Variants in ADAMTSL1 observed in about 807,000 individuals in gnomAD.
The protein encoded by ADAMTSL1 is ADAMTS like 1.
ADAMTSL1 carries 126 observed loss-of-function variants against 201.8 expected under a neutral mutation model. The observed-to-expected ratio is 0.62, with a 90% CI of 0.54 to 0.72. ADAMTSL1 has a LOEUF of 0.72. ADAMTSL1 is among the 30% of genes least tolerant of loss of function. The pLI, the probability that ADAMTSL1 is intolerant of heterozygous loss-of-function variation, is 0.00. For missense variants in ADAMTSL1, 2,679 were observed against 2,277.8 expected (o/e 1.18, Z -3.59); for synonymous variants, 1,121 against 903.4 (o/e 1.24, Z -4.32).
intron 2 of ADAMTSL1, among the ~76,000 whole-genome samples, chr9:18,298,154 G>A (rs369628348): frequency 6.6e-6 from 1 of 152,172 alleles, no homozygotes; most frequent in East Asian, 1.9e-4. Flanking sequence ...GCTCAGGTGA[G>A]GGTGGAGGGT....
chr9:18,289,620 C>G (rs192180005), intron 2 of ADAMTSL1, among the ~76,000 whole-genome samples: 2 of 152,186 alleles, frequency 1.3e-5, no homozygotes, highest in African/African-American at 4.8e-5. Flanking sequence ...CAGAGAGGCT[C>G]AGTTACCAGA....
chr9:18,591,437 G>T (rs754934347), intron 4 of ADAMTSL1, among the ~76,000 whole-genome samples: 2 of 152,090 alleles, frequency 1.3e-5, no homozygotes, highest in Non-Finnish European at 2.9e-5. Context: ...CTTGTTTACA[G>T]CGTATAGTTG....
At chr9:18,087,867 CT>C (rs1823835885) in intron 1 of ADAMTSL1, among the ~76,000 whole-genome samples, 1 of 152,028 alleles carries the variant, frequency 6.6e-6, no homozygotes, top group Admixed American at 6.6e-5. Flanking sequence ...CTTATCTGTC[CT>C]TTGGATGAAA....
intron 1 of ADAMTSL1, among the ~76,000 whole-genome samples, chr9:18,031,278 T>C (rs777002156): frequency 6.6e-6 from 1 of 152,194 alleles, no homozygotes; most frequent in Non-Finnish European, 1.5e-5. Context: ...GGCTGGTGTT[T>C]ATTTTCCTTT....
intron 1 of ADAMTSL1, among the ~76,000 whole-genome samples, chr9:17,950,012 G>A (rs1044685345): frequency 2.0e-5 from 3 of 151,924 alleles, no homozygotes; most frequent in Non-Finnish European, 4.4e-5. Context: ...TCTGTCTCCC[G>A]GGTTCAAGTG....
intron 1 of ADAMTSL1, among the ~76,000 whole-genome samples, chr9:18,038,931 A>G (rs900081494): frequency 6.6e-6 from 1 of 152,242 alleles, no homozygotes; most frequent in African/African-American, 2.4e-5. Flanking sequence ...AAAGCTATGA[A>G]CACATAAGTT....
intron 1 of ADAMTSL1, among the ~76,000 whole-genome samples, chr9:18,128,723 T>C (rs970341922): frequency 2.0e-5 from 3 of 152,076 alleles, no homozygotes; most frequent in Non-Finnish European, 4.4e-5. Context: ...ATTAAGGATC[T>C]CTCTCTCCCC....
intron 2 of ADAMTSL1, among the ~76,000 whole-genome samples, chr9:18,347,215 T>C (rs1462084331): frequency 6.6e-6 from 1 of 152,176 alleles, no homozygotes; most frequent in African/African-American, 2.4e-5. Context: ...AATTTACAGA[T>C]TGAAATTTAC....
intron 4 of ADAMTSL1, among the ~76,000 whole-genome samples, chr9:18,604,648 C>G (rs1824891810): frequency 6.6e-6 from 1 of 152,066 alleles, no homozygotes; most frequent in South Asian, 2.1e-4. Flanking sequence ...AACATTTTAT[C>G]CATTTGGCAT....
chr9:18,238,027 T>C (rs2039167821), intron 2 of ADAMTSL1, among the ~76,000 whole-genome samples: 1 of 152,232 alleles, frequency 6.6e-6, no homozygotes, highest in Middle Eastern at 3.2e-3. Flanking sequence ...TCAATGACTT[T>C]CCCTGAAGAA....
intron 5 of ADAMTSL1, among the ~76,000 whole-genome samples, chr9:18,634,886 A>T (rs1011193903): frequency 7.2e-6 from 1 of 139,668 alleles, no homozygotes; most frequent in East Asian, 2.0e-4. Context: ...TATATATATA[A>T]ATATGTATGT....
At chr9:18,092,886 CA>C (rs1824088953) in intron 1 of ADAMTSL1, among the ~76,000 whole-genome samples, 1 of 152,150 alleles carries the variant, frequency 6.6e-6, no homozygotes, top group Non-Finnish European at 1.5e-5. Flanking sequence ...TGGTGATTTT[CA>C]AAAGGCAGAC....
At chr9:18,800,294 T>C (rs1021359804) in intron 20 of ADAMTSL1, among the ~76,000 whole-genome samples, 1 of 145,744 alleles carries the variant, frequency 6.9e-6, no homozygotes, top group African/African-American at 2.6e-5. Flanking sequence ...GGAGAATCGC[T>C]TGAACCCGGG....
intron 1 of ADAMTSL1, among the ~76,000 whole-genome samples, chr9:17,949,986 T>C (rs1475080497): frequency 2.6e-5 from 4 of 152,180 alleles, no homozygotes; most frequent in Non-Finnish European, 4.4e-5. Context: ...TGGCCTGATC[T>C]TGGCTCACTG....
chr9:18,554,944 AT>A (rs35452459), intron 3 of ADAMTSL1, among the ~76,000 whole-genome samples: 47,936 of 151,498 alleles, frequency 0.32, 8,159 homozygotes, highest in East Asian at 0.6. Context: ...TTTCACAAAT[AT>A]GTAAGGAACA....
intron 18 of ADAMTSL1, 79 bp from the exon 19 acceptor site, chr9:18,776,702 C>G (rs373036303): frequency 2.8e-6 from 4 of 1,417,350 alleles, no homozygotes; most frequent in Non-Finnish European, 1.9e-6. Context: ...CTTTGCCCCT[C>G]TCTCCTGGCT....
intron 2 of ADAMTSL1, among the ~76,000 whole-genome samples, chr9:18,271,098 T>C (rs1832343021): frequency 6.6e-6 from 1 of 152,190 alleles, no homozygotes; most frequent in Non-Finnish European, 1.5e-5. Flanking sequence ...TGGGAACTTA[T>C]CTGTTCTAGT....
At chr9:18,157,631 C>T (rs1339373251) in intron 1 of ADAMTSL1, among the ~76,000 whole-genome samples, 3 of 151,982 alleles carry the variant, frequency 2.0e-5, no homozygotes, top group Admixed American at 6.6e-5. Context: ...TCTTTCAGCT[C>T]TAACCTCTTA....
chr9:18,665,927 C>T (rs1360157409), intron 9 of ADAMTSL1, among the ~76,000 whole-genome samples: 1 of 152,080 alleles, frequency 6.6e-6, no homozygotes, highest in African/African-American at 2.4e-5. Flanking sequence ...CCCCAATGCC[C>T]GCAGATAACC....
Sources: allele counts gnomAD v4.1 joint callset (sites outside exome capture counted in the v4.1 genomes callset), GRCh38; gene constraint gnomAD v4.1.1; transcripts MANE v1.5; gene names NCBI Gene and HGNC (gene_info 2026-07-23, HGNC 2026-07-21).